RAB33B: variants seen among roughly 807,000 people sequenced by gnomAD.
RAB33B encodes ras-related protein Rab-33B.
Under a neutral mutation model 15.0 loss-of-function variants are expected in RAB33B, and 6 were observed. The observed-to-expected ratio is 0.40, with a 90% CI of 0.22 to 0.79. The LOEUF is 0.79. RAB33B is among the 30% of genes least tolerant of loss of function. The probability of loss-of-function intolerance (pLI) is 0.37; values close to 1 mark genes in which losing one functional copy is unlikely to be tolerated. For missense variants in RAB33B, 257 were observed against 296.4 expected (o/e 0.87, Z 0.98); for synonymous variants, 117 against 108.3 (o/e 1.08, Z -0.50).
At chr4:139,444,284 G>A in the RAB33B span, among the ~76,000 whole-genome samples, 2 of 152,024 alleles carry the variant, frequency 1.3e-5, no homozygotes, top group African/African-American at 2.4e-5. Flanking sequence ...CACTATGAGC[G>A]AGCTGGAAAT....
intron 1 of RAB33B, among the ~76,000 whole-genome samples, chr4:139,470,106 G>A (rs971616804): frequency 8.5e-5 from 13 of 152,364 alleles, no homozygotes; most frequent in African/African-American, 3.1e-4. Context: ...AGGTGGCAAA[G>A]CCAGCCAGGC....
At chr4:139,467,594 TGC>T (rs1750314393) in intron 1 of RAB33B, among the ~76,000 whole-genome samples, 1 of 151,842 alleles carries the variant, frequency 6.6e-6, no homozygotes, top group African/African-American at 2.4e-5. Context: ...CAGTGGGTCA[TGC>T]CTGTAATCCC....
the RAB33B span, among the ~76,000 whole-genome samples, chr4:139,442,018 A>G: frequency 6.6e-6 from 1 of 152,124 alleles, no homozygotes; most frequent in African/African-American, 2.4e-5. Flanking sequence ...ATTAATTTCT[A>G]AATAGTTTAT....
At chr4:139,455,621 T>C (rs1002166034) in intron 1 of RAB33B, among the ~76,000 whole-genome samples, 11 of 152,246 alleles carry the variant, frequency 7.2e-5, no homozygotes, top group African/African-American at 2.4e-4. Context: ...ATGTCCCATA[T>C]GAGCTCTCAG....
intron 1 of RAB33B, among the ~76,000 whole-genome samples, chr4:139,465,380 G>A (rs1184978360): frequency 1.3e-5 from 2 of 152,168 alleles, no homozygotes; most frequent in Non-Finnish European, 2.9e-5. Flanking sequence ...CTGTGCAGAA[G>A]CTCTTTAGTT....
At chr4:139,447,455 G>A in the RAB33B span, among the ~76,000 whole-genome samples, 1 of 151,946 alleles carries the variant, frequency 6.6e-6, no homozygotes. Flanking sequence ...ATGACATTAC[G>A]TTCTGCTGGC....
At chr4:139,456,933 G>A (rs1339862513) in intron 1 of RAB33B, among the ~76,000 whole-genome samples, 1 of 152,086 alleles carries the variant, frequency 6.6e-6, no homozygotes, top group African/African-American at 2.4e-5. Context: ...CTTGAGTGCT[G>A]CTGAAATGTT....
upstream of RAB33B, chr4:139,454,102 A>G (rs979821067): frequency 2.2e-5 from 31 of 1,433,300 alleles, no homozygotes; most frequent in Admixed American, 7.0e-4. Context: ...GCGCAGCCGA[A>G]CTGGCCGGCT....
intron 1 of RAB33B, among the ~76,000 whole-genome samples, chr4:139,463,351 G>A (rs1231753645): frequency 6.6e-6 from 1 of 152,088 alleles, no homozygotes; most frequent in Non-Finnish European, 1.5e-5. Flanking sequence ...GGCCAGGCTG[G>A]TCTTGAACTC....
At chr4:139,453,058 T>G (rs1212592730), upstream of RAB33B, 1 of 152,232 alleles carries the variant, frequency 6.6e-6, no homozygotes, top group African/African-American at 2.4e-5. Context: ...TTTAATCTAT[T>G]GATATTTTCC....
chr4:139,466,382 A>C (rs1466262077), intron 1 of RAB33B, among the ~76,000 whole-genome samples: 1 of 152,162 alleles, frequency 6.6e-6, no homozygotes, highest in Non-Finnish European at 1.5e-5. Flanking sequence ...TCTTGTGAAT[A>C]TAATTTGCTT....
chr4:139,470,400 G>A (rs1750366701), intron 1 of RAB33B, among the ~76,000 whole-genome samples: 1 of 152,188 alleles, frequency 6.6e-6, no homozygotes, highest in East Asian at 1.9e-4. Flanking sequence ...GGGCTCTTAA[G>A]CCCCCTTGTC....
At chr4:139,462,242 A>C (rs1042350322) in intron 1 of RAB33B, among the ~76,000 whole-genome samples, 1 of 151,718 alleles carries the variant, frequency 6.6e-6, no homozygotes, top group East Asian at 2.0e-4. Flanking sequence ...TTTAGTAGAG[A>C]TGGGGTTTCA....
At position 139,476,309 on chromosome 4, in the gene RAB33B, G is replaced by A. The variant is rs964535782; in HGVS notation, c.*3183G>A. The A allele has an allele frequency of 2.6e-5, 4 of 152,332 alleles. No homozygotes were observed. The highest frequency in any genetic ancestry group is 7.2e-5 in the African/African-American group (3 of 41,582). 9.4% of individuals were successfully genotyped at this position (152,332 alleles called of 1,614,324 possible). A position where few individuals can be genotyped will look rare whatever the true frequency, so the allele number is the denominator to read the frequency against. On this transcript the variant is annotated 3_prime_UTR_variant, in exon 2 of 2. Coordinates refer to ENST00000305626, the MANE Select transcript of RAB33B (RefSeq NM_031296.3). ...ACTACGTCTCAGGTATAAGATTGCA[G>A]TTACTGATTTAGACACCATAGGATT...
chr4:139,448,468 CTT>C (rs1383804724), upstream of RAB33B: 1 of 152,064 alleles, frequency 6.6e-6, no homozygotes, highest in African/African-American at 2.4e-5. Context: ...GAGCCTTGCT[CTT>C]GTTGCCCAGT....
chr4:139,468,386 G>C (rs1750330698), intron 1 of RAB33B, among the ~76,000 whole-genome samples: 1 of 152,096 alleles, frequency 6.6e-6, no homozygotes, highest in Non-Finnish European at 1.5e-5. Flanking sequence ...CATATCACCT[G>C]ATAACAAGTT....
chr4:139,459,575 A>G (rs144542942), intron 1 of RAB33B, among the ~76,000 whole-genome samples: 39 of 151,660 alleles, frequency 2.6e-4, no homozygotes, highest in Admixed American at 4.6e-4. Flanking sequence ...AGTTTTATTC[A>G]GGGCAGGATC....
intron 1 of RAB33B, among the ~76,000 whole-genome samples, chr4:139,463,676 T>C (rs1428444229): frequency 4.6e-5 from 7 of 152,266 alleles, no homozygotes; most frequent in African/African-American, 1.4e-4. Context: ...TCAAGAGTTT[T>C]CTAGGCTTTG....
At chr4:139,469,895 G>T (rs548977170) in intron 1 of RAB33B, among the ~76,000 whole-genome samples, 1 of 152,166 alleles carries the variant, frequency 6.6e-6, no homozygotes, top group Non-Finnish European at 1.5e-5. Flanking sequence ...AATACTGAGA[G>T]TGGAGGGACA....
Sources: gnomAD v4.1 joint callset for allele counts (sites outside exome capture counted in the v4.1 genomes callset) on GRCh38, gnomAD v4.1.1 for gene constraint, MANE v1.5 for transcripts, NCBI Gene and HGNC (gene_info 2026-07-23, HGNC 2026-07-21) for gene names.